The following NRF1 variants were observed in gnomAD, a reference collection of about 807,000 sequenced individuals.
The protein encoded by NRF1 is nuclear respiratory factor 1.
A neutral mutation model predicts 58.5 loss-of-function variants in NRF1; 5 were observed. The ratio of observed to expected loss-of-function variants is 0.09; its 90% confidence interval spans 0.04 to 0.18. NRF1 has a LOEUF of 0.18. NRF1 is among the 10% of genes least tolerant of loss of function. The pLI is 1.00. For synonymous variants in NRF1, 224 were observed against 246.7 expected (o/e 0.91, Z 0.86); for missense variants, 288 against 657.7 (o/e 0.44, Z 6.15).
At chr7:129,706,775 G>A (rs1802960042) in intron 5 of NRF1, among the ~76,000 whole-genome samples, 1 of 152,098 alleles carries the variant, frequency 6.6e-6, no homozygotes, top group Admixed American at 6.5e-5. Context: ...CAGAACTGAG[G>A]AGCATAAGGA....
At chr7:129,745,014 G>A (rs1374845582) in intron 10 of NRF1, among the ~76,000 whole-genome samples, 1 of 151,200 alleles carries the variant, frequency 6.6e-6, no homozygotes, top group East Asian at 2.0e-4. Context: ...AAAAAAAAAA[G>A]TTTGAAAGTA....
intron 8 of NRF1, among the ~76,000 whole-genome samples, chr7:129,715,822 TGGA>T (rs1183569650): frequency 6.6e-6 from 1 of 152,126 alleles, no homozygotes; most frequent in East Asian, 1.9e-4. Flanking sequence ...TTAACCAACA[TGGA>T]GAAACCCCGT....
intron 9 of NRF1, among the ~76,000 whole-genome samples, chr7:129,722,562 A>G (rs919353035): frequency 2.4e-4 from 37 of 152,090 alleles, no homozygotes; most frequent in African/African-American, 8.0e-4. Flanking sequence ...AATTAATCGT[A>G]CTGATCTGTC....
intron 10 of NRF1, 40 bp from the exon 11 acceptor site, chr7:129,754,978 A>G: frequency 1.3e-6 from 2 of 1,512,906 alleles, no homozygotes; most frequent in Non-Finnish European, 1.8e-6. Flanking sequence ...TGGGAACTTG[A>G]GCCTGAGCCC....
At chr7:129,721,408 A>G (rs1172270751) in intron 9 of NRF1, among the ~76,000 whole-genome samples, 2 of 151,324 alleles carry the variant, frequency 1.3e-5, no homozygotes, top group Admixed American at 1.3e-4. Flanking sequence ...GAATTTTAGA[A>G]TTTGTCTTTT....
At chr7:129,726,867 A>G (rs1724538048) in intron 9 of NRF1, among the ~76,000 whole-genome samples, 1 of 152,206 alleles carries the variant, frequency 6.6e-6, no homozygotes, top group Non-Finnish European at 1.5e-5. Context: ...CTTGTGATTG[A>G]CAACCAAAAT....
chr7:129,611,889 CCCGCCGGCCGGCCGGCCCGCCCCG>C (rs1246853672), intron 1 of NRF1, 65 bp downstream of exon 1: 2 of 149,294 alleles, frequency 1.3e-5, no homozygotes, highest in Non-Finnish European at 3.0e-5. Context: ...ACGCCGCCCG[CCCGCCGGCCGGCCGGCCCGCCCCG>C]CAGCCGGCAC....
intron 10 of NRF1, among the ~76,000 whole-genome samples, chr7:129,738,343 G>T (rs1159843000): frequency 6.6e-6 from 1 of 152,210 alleles, no homozygotes; most frequent in Non-Finnish European, 1.5e-5. Flanking sequence ...CAGCTGAGCT[G>T]GGAGCCGGCG....
chr7:129,732,774 G>A (rs1001759938), intron 10 of NRF1, among the ~76,000 whole-genome samples: 4 of 151,614 alleles, frequency 2.6e-5, no homozygotes, highest in Non-Finnish European at 5.9e-5. Flanking sequence ...AGCTATTTTT[G>A]TATTTTCAGT....
chr7:129,633,293 G>A (rs950122024), intron 1 of NRF1, among the ~76,000 whole-genome samples: 1 of 151,968 alleles, frequency 6.6e-6, no homozygotes, highest in African/African-American at 2.4e-5. Context: ...CATTTTTTAT[G>A]GGAAAAAGGA....
At chr7:129,662,472 C>A (rs1252766572) in intron 2 of NRF1, among the ~76,000 whole-genome samples, 1 of 147,928 alleles carries the variant, frequency 6.8e-6, no homozygotes, top group African/African-American at 2.5e-5. Context: ...AAAAAAATTT[C>A]TTTTAAACAA....
At chr7:129,650,078 T>C (rs1308047659) in intron 1 of NRF1, among the ~76,000 whole-genome samples, 1 of 152,114 alleles carries the variant, frequency 6.6e-6, no homozygotes, top group African/African-American at 2.4e-5. Context: ...ATGAAGGATA[T>C]ATTGCACCCC....
intron 7 of NRF1, among the ~76,000 whole-genome samples, 171 bp from the exon 8 acceptor site, chr7:129,711,304 T>C (rs1002784142): frequency 5.9e-5 from 9 of 152,212 alleles, no homozygotes; most frequent in African/African-American, 1.9e-4. Flanking sequence ...CTGAAACTCG[T>C]GATAGTCTCT....
chr7:129,731,189 T>C (rs1244037877), intron 10 of NRF1, among the ~76,000 whole-genome samples: 1 of 150,954 alleles, frequency 6.6e-6, no homozygotes, highest in East Asian at 1.9e-4. Flanking sequence ...GAGAATCGCT[T>C]GAACCCAGGA....
At chr7:129,714,358 C>T (rs1008983740) in intron 8 of NRF1, among the ~76,000 whole-genome samples, 1 of 152,200 alleles carries the variant, frequency 6.6e-6, no homozygotes, top group African/African-American at 2.4e-5. Context: ...GAGAGAGCCT[C>T]ACTGGGCCAA....
chr7:129,733,370 G>A (rs1803629796), intron 10 of NRF1, among the ~76,000 whole-genome samples: 1 of 151,962 alleles, frequency 6.6e-6, no homozygotes. Context: ...GGGAGGCTGA[G>A]GCAGGAGAAC....
intron 4 of NRF1, among the ~76,000 whole-genome samples, chr7:129,686,313 C>T (rs1802443168): frequency 6.6e-6 from 1 of 152,058 alleles, no homozygotes; most frequent in Admixed American, 6.6e-5. Flanking sequence ...TCTGGAGGCT[C>T]TGGCAAAGGA....
chr7:129,661,466 G>A (rs1737724419), intron 2 of NRF1, among the ~76,000 whole-genome samples: 1 of 150,928 alleles, frequency 6.6e-6, no homozygotes, highest in Admixed American at 6.6e-5. Context: ...GTCACCTCTT[G>A]AATGCTTTGC....
At chr7:129,682,940 T>G (rs1054541095) in intron 4 of NRF1, among the ~76,000 whole-genome samples, 4 of 151,700 alleles carry the variant, frequency 2.6e-5, no homozygotes, top group Non-Finnish European at 4.4e-5. Flanking sequence ...CTCAAATAAT[T>G]TTTTTTTTGA....
Sources: gnomAD v4.1 joint callset for allele counts (sites outside exome capture counted in the v4.1 genomes callset) on GRCh38, gnomAD v4.1.1 for gene constraint, MANE v1.5 for transcripts, NCBI Gene and HGNC (gene_info 2026-07-23, HGNC 2026-07-21) for gene names.